Variants in GALT observed in about 807,000 individuals in gnomAD.
GALT encodes galactose-1-phosphate uridylyltransferase, also known as UDP-glucose--hexose-1-phosphate uridylyltransferase.
A neutral mutation model predicts 55.4 loss-of-function variants in GALT; 42 were observed. The observed-to-expected ratio is 0.76, with a 90% confidence interval of 0.59 to 0.98. The LOEUF (loss-of-function observed/expected upper bound fraction) is 0.98, where lower values mean the gene tolerates loss of function less well. Among genes scored for constraint, GALT ranks in the 50% least tolerant of loss-of-function variants. The pLI is 0.00. For synonymous variants in GALT, 154 were observed against 181.5 expected, an observed-to-expected ratio of 0.85 and a Z score of 1.22; for missense variants, 407 against 495.7, an observed-to-expected ratio of 0.82 and a Z score of 1.70.
At chr9:34,649,605 T>A (rs574155491) in intron 10 of GALT, 41 bp downstream of exon 10, 2 of 1,606,690 alleles carry the variant, frequency 1.2e-6, no homozygotes, top group Non-Finnish European at 1.7e-6. Context: ...GACTCTCACA[T>A]GCAGTATGTG....
rs1321684694 is a variant in GALT, at chr9:34,647,047, G to A, written c.83-42G>A. 6.2e-7 allele frequency: 1 copy of A among 1,613,702 alleles called. No homozygotes were observed. Among genetic ancestry groups the A allele is most frequent in the Admixed American group, 1.7e-5 (1 of 60,036 alleles). On this transcript the variant is annotated intron_variant, in intron 1 of 10. Coordinates refer to ENST00000378842, the MANE Select transcript of GALT (RefSeq NM_000155.4). This position sits in a 1 kb window ranked among gnomAD's most constrained non-coding sequence, Gnocchi z 5.6. ...GTGGGTGAGACCCAGGAGAGAGGGA[G>A]CTAGAGAGCTCTGAGGACTGATCTT...
Position 34,647,313 on chromosome 9 carries a change from T to C in GALT, c.252+55T>C. ...CTGGGCCACGGGGAGTAGTTCCCTC[T>C]TAGAACTGTCCTCCACCCACAGGGA... On this transcript the variant is annotated intron_variant, in intron 2 of 10. Coordinates refer to ENST00000378842, the MANE Select transcript of GALT (RefSeq NM_000155.4). The surrounding 1 kb of genome is among the most constrained non-coding windows in gnomAD (Gnocchi z 5.6). The C allele has an allele frequency of 1.2e-6, 2 of 1,609,792 alleles. No individual in the cohort carries two copies. The highest frequency in any genetic ancestry group is 1.7e-6 in the Non-Finnish European group (2 of 1,176,548).
intron 1 of GALT, 132 bp from the exon 2 acceptor site, chr9:34,646,957 A>G (rs1356153632): frequency 1.9e-6 from 3 of 1,605,856 alleles, no homozygotes; most frequent in Non-Finnish European, 2.5e-6. Flanking sequence ...GGAAAGTCCA[A>G]TCCTGGGCCT....
rs774080916 is a variant in GALT at position 34,648,066 on chromosome 9, T to C, written c.508-49T>C. On this transcript the variant is annotated intron_variant, in intron 5 of 10. Coordinates refer to ENST00000378842, the MANE Select transcript of GALT (RefSeq NM_000155.4). This position sits in a 1 kb window ranked among gnomAD's most constrained non-coding sequence, Gnocchi z 4.9. ...TCCACAGGGTGTGGTCAGGAGGGAG[T>C]TGACTTGGTGTCTTTTGGCTAACAG... 5.6e-6 allele frequency: 9 copies of C among 1,613,692 alleles called. No individual in the cohort carries two copies. Among genetic ancestry groups the C allele is most frequent in the Middle Eastern group, 1.6e-4 (1 of 6,062 alleles).
At chr9:34,650,034 C>G in intron 10 of GALT, 1 of 358,448 alleles carries the variant, frequency 2.8e-6, no homozygotes, top group Non-Finnish European at 5.2e-6. Context: ...AATCCCAGCA[C>G]TTTGGGAGGT....
Position 34,647,312 on chromosome 9 carries a change from C to T in GALT, c.252+54C>T, listed in dbSNP as rs1587237367. ...GCTGGGCCACGGGGAGTAGTTCCCTCTTAGAACTGTCCTCCACCCACAGGG... is the reference window on the plus strand; with the variant it reads ...GCTGGGCCACGGGGAGTAGTTCCCTTTTAGAACTGTCCTCCACCCACAGGG... On this transcript the variant is annotated intron_variant, in intron 2 of 10. Transcript: ENST00000378842. The surrounding 1 kb of genome is among the most constrained non-coding windows in gnomAD (Gnocchi z 5.6). 2 of 1,610,256 alleles carry T rather than the reference C, an allele frequency of 1.2e-6. No individual in the cohort carries two copies. Among genetic ancestry groups the T allele is most frequent in the Middle Eastern group, 1.7e-4 (1 of 6,056 alleles).
Position 34,648,695 on chromosome 9 carries a change from C to T in GALT, c.688-67C>T. ...CATTCTTTTCTTCTGCTTCCCTTGC[C>T]TATTTGCTGACCACACTCCGGCTCC... On this transcript the variant is annotated intron_variant, in intron 7 of 10. Transcript: ENST00000378842. The surrounding 1 kb of genome is among the most constrained non-coding windows in gnomAD (Gnocchi z 4.9). The T allele has an allele frequency of 6.3e-7, 1 of 1,598,590 alleles. No homozygotes were observed. Among genetic ancestry groups the T allele is most frequent in the Non-Finnish European group, 8.5e-7 (1 of 1,170,796 alleles).
rs1821231987 is a variant in GALT, at chr9:34,650,518, C to G, written c.*69C>G. ...GTCTTGCTGAATTAAGCAGAAAGGGCCTTGAATCCTGGCCTGGAATTTGGG... is the reference window on the plus strand; with the variant it reads ...GTCTTGCTGAATTAAGCAGAAAGGGGCTTGAATCCTGGCCTGGAATTTGGG... On this transcript the variant is annotated 3_prime_UTR_variant, in exon 11 of 11. Coordinates refer to ENST00000378842, the MANE Select transcript of GALT (RefSeq NM_000155.4). The G allele has an allele frequency of 1.4e-6, 2 of 1,420,598 alleles. No individual in the cohort carries two copies. The highest frequency in any genetic ancestry group is 9.9e-7 in the Non-Finnish European group (1 of 1,006,884). The allele number at this position is 1,420,598 out of a possible 1,614,324, so 88.0% of individuals were successfully genotyped here. A position where few individuals can be genotyped will look rare whatever the true frequency, so the allele number is the denominator to read the frequency against.
At position 34,650,345 on chromosome 9, in the gene GALT, A is replaced by G. The variant is rs773991940; in HGVS notation, c.1060-24A>G. On this transcript the variant is annotated intron_variant, in intron 10 of 10. Transcript: ENST00000378842. The stretch of plus-strand genomic sequence containing the variant: ...TGGCAGCCCAGCCCTTATCCTCCTT[A>G]ATTGCTCCCTGTCCCTTTTCCAGGC... The G allele has an allele frequency of 4.3e-5, 69 of 1,590,084 alleles. 2 individuals are homozygous for G. In the South Asian group the frequency reaches 6.8e-4, roughly 16 times the overall value.
chr9:34,646,810 C>A (rs1225396585), intron 1 of GALT, 24 bp downstream of exon 1: 2 of 1,613,072 alleles, frequency 1.2e-6, no homozygotes, highest in East Asian at 2.2e-5. Context: ...GGCAGGGACT[C>A]GCTGGGGCGC....
Position 34,648,403 on chromosome 9 carries a change from C to T in GALT, c.634C>T (p.Gln212Ter), listed in dbSNP as rs111033746. 3 of 1,614,192 alleles carry T rather than the reference C, an allele frequency of 1.9e-6. No individual in the cohort carries two copies. The highest frequency in any genetic ancestry group is 2.5e-6 in the Non-Finnish European group (3 of 1,180,036). ...GCGATCTCAGCAGGCCTATAAGAGT[C>T]AGCATGGAGAGCCCCTGCTAATGGA... is the stretch of plus-strand genomic sequence containing the variant. Reference protein sequence around the residue: ...EERSQQAYKSQHGEPLLMEYS... With the variant: ...EERSQQAYKS Residue 212 changes from glutamine to a stop codon, truncating the protein, a stop_gained, in exon 7 of 11, where the codon CAG (glutamine) becomes TAG (stop). Coordinates refer to ENST00000378842, the MANE Select transcript of GALT (RefSeq NM_000155.4). LOFTEE classifies it high-confidence loss of function. This position sits in a 1 kb window ranked among gnomAD's most constrained non-coding sequence, Gnocchi z 4.9.
rs1587238294 is a variant in GALT at position 34,647,775 on chromosome 9, G to A, written c.378-57G>A. On this transcript the variant is annotated intron_variant, in intron 4 of 10. Coordinates refer to ENST00000378842, the MANE Select transcript of GALT (RefSeq NM_000155.4). This position sits in a 1 kb window ranked among gnomAD's most constrained non-coding sequence, Gnocchi z 5.6. ...AGACTCAGCATTGGGGTTCGGCCCT[G>A]CCCGTAGCACAGCCAAGCCCTACCT... The A allele has an allele frequency of 6.2e-7, 1 of 1,614,188 alleles. No homozygotes were observed. The highest frequency in any genetic ancestry group is 2.2e-5 in the East Asian group (1 of 44,888).
rs111033836 is a variant in GALT at position 34,647,106 on chromosome 9, T to A, written c.100T>A (p.Tyr34Asn). Reference sequence around the variant, plus strand: ...GCCCCCAGACCATCAGCATATCCGCTACAACCCGCTGCAGGATGAGTGGGT... The same window carrying A: ...GCCCCCAGACCATCAGCATATCCGCAACAACCCGCTGCAGGATGAGTGGGT... ...FRANDHQHIR[Y>N]NPLQDEWVLV... The change falls in exon 2 of 11, where the codon TAC becomes AAC. Residue 34 changes from tyrosine (Y) to asparagine (N), a missense_variant. Physicochemically the swap from Tyr to Asn is moderately radical, Grantham distance 143. Transcript: ENST00000378842. This position sits in a 1 kb window ranked among gnomAD's most constrained non-coding sequence, Gnocchi z 5.6. 3 of 1,614,140 alleles carry A rather than the reference T, an allele frequency of 1.9e-6. No individual in the cohort carries two copies. The highest frequency in any genetic ancestry group is 2.5e-6 in the Non-Finnish European group (3 of 1,180,020).
rs1453548821 is a variant in GALT at position 34,649,081 on chromosome 9, G to A, written c.904G>A (p.Gly302Arg). ...TSFPYSMGWH[G>R]APTGSEAGAN... ...CTTTCCCTACTCCATGGGCTGGCAT[G>A]GTGAGGCTTTTCAAGTACCTATATT... The change falls in exon 9 of 11, where the codon GGG becomes AGG. Residue 302 changes from glycine to arginine, a missense_variant and splice_region_variant. Transcript: ENST00000378842. 1.9e-6 allele frequency: 3 copies of A among 1,613,930 alleles called. No homozygotes were observed. Among genetic ancestry groups the A allele is most frequent in the Non-Finnish European group, 2.5e-6 (3 of 1,179,816 alleles).
Position 34,647,039 on chromosome 9 carries a change from G to A in GALT, c.83-50G>A, listed in dbSNP as rs779091710. 6 of 1,613,354 alleles carry A rather than the reference G, an allele frequency of 3.7e-6. No homozygotes were observed. The highest frequency in any genetic ancestry group is 2.2e-5 in the East Asian group (1 of 44,888). On this transcript the variant is annotated intron_variant, in intron 1 of 10. Transcript: ENST00000378842. This position sits in a 1 kb window ranked among gnomAD's most constrained non-coding sequence, Gnocchi z 5.6. ...GCCTGCTGGTGGGTGAGACCCAGGA[G>A]AGAGGGAGCTAGAGAGCTCTGAGGA...
At position 34,647,476 on chromosome 9, in the gene GALT, C is replaced by T. The variant is rs1392743145; in HGVS notation, c.253-16C>T. ...GTATGGGGCAGTGAGTGCTTCTAGC[C>T]TATCCTTGTCGGTAGGTGAATCCCC... On this transcript the variant is annotated splice_polypyrimidine_tract_variant and intron_variant, in intron 2 of 10. Coordinates refer to ENST00000378842, the MANE Select transcript of GALT (RefSeq NM_000155.4). This position sits in a 1 kb window ranked among gnomAD's most constrained non-coding sequence, Gnocchi z 5.6. 9 of 1,613,832 alleles carry T rather than the reference C, an allele frequency of 5.6e-6. No individual in the cohort carries two copies. In the South Asian group the frequency reaches 7.7e-5, roughly 14 times the overall value.
In GALT at chr9:34,648,414, G is replaced by A. The variant is rs756379314; in HGVS notation, c.645G>A (p.Glu215=). 9.3e-6 allele frequency: 15 copies of A among 1,614,184 alleles called. No individual in the cohort carries two copies. The highest frequency in any genetic ancestry group is 1.6e-4 in the Middle Eastern group (1 of 6,062). The change falls in exon 7 of 11, where the codon GAG becomes GAA. Residue 215 remains glutamate, a synonymous_variant. Transcript: ENST00000378842. The surrounding 1 kb of genome is among the most constrained non-coding windows in gnomAD (Gnocchi z 4.9). The part of the protein sequence containing the change: ...SQQAYKSQHG[E]PLLMEYSRQE... ...AGGCCTATAAGAGTCAGCATGGAGA[G>A]CCCCTGCTAATGGAGTACAGCCGCC...
In GALT at chr9:34,648,578, G is replaced by C; in HGVS notation, c.687+122G>C. The C allele has an allele frequency of 1.3e-6, 2 of 1,544,484 alleles. No individual in the cohort carries two copies. Among genetic ancestry groups the C allele is most frequent in the African/African-American group, 1.4e-5 (1 of 73,560 alleles). ...GAGAGAGACTTGCTAGGAGGCCTTAGCAATAATCCAGTAATCTAAAGGAAA... is the reference window on the plus strand; with the variant it reads ...GAGAGAGACTTGCTAGGAGGCCTTACCAATAATCCAGTAATCTAAAGGAAA... On this transcript the variant is annotated intron_variant, in intron 7 of 10. Coordinates refer to ENST00000378842, the MANE Select transcript of GALT (RefSeq NM_000155.4). The surrounding 1 kb of genome is among the most constrained non-coding windows in gnomAD (Gnocchi z 4.9).
rs1303797996 is a variant in GALT, at chr9:34,648,300, C to T, written c.565-34C>T. The T allele has an allele frequency of 1.2e-6, 2 of 1,613,960 alleles. No homozygotes were observed. Among genetic ancestry groups the T allele is most frequent in the East Asian group, 2.2e-5 (1 of 44,876 alleles). On this transcript the variant is annotated intron_variant, in intron 6 of 10. Transcript: ENST00000378842. The surrounding 1 kb of genome is among the most constrained non-coding windows in gnomAD (Gnocchi z 4.9). ...ATGTGGAGGCTTGGAGGTAAAGGACCTGCCTGTTCTTCTCTGCTTTTGCCC... is the reference window on the plus strand; with the variant it reads ...ATGTGGAGGCTTGGAGGTAAAGGACTTGCCTGTTCTTCTCTGCTTTTGCCC...
Sources: gnomAD v4.1 joint callset for allele counts on GRCh38, gnomAD v4.1.1 for gene constraint, Gnocchi (gnomAD v3.1) non-coding constraint, MANE v1.5 for transcripts, NCBI Gene and HGNC (gene_info 2026-07-23, HGNC 2026-07-21) for gene names.